UGT2B7: variants seen among roughly 807,000 people sequenced by gnomAD.
The protein encoded by UGT2B7 is UDP-glucuronosyltransferase 2B7.
UGT2B7 carries 51 observed loss-of-function variants against 51.9 expected under a neutral mutation model. That is an observed-to-expected ratio of 0.98 (90% CI 0.78 to 1.24). The LOEUF (loss-of-function observed/expected upper bound fraction) is 1.24, where lower values mean the gene tolerates loss of function less well. Among genes scored for constraint, UGT2B7 ranks in the 50% most tolerant of loss-of-function variants. UGT2B7 has a pLI of 0.00. For synonymous variants in UGT2B7, 225 were observed against 211.6 expected (o/e 1.06, Z -0.55); for missense variants, 727 against 628.4 (o/e 1.16, Z -1.68).
intron 1 of UGT2B7, chr4:69,067,405 C>T (rs1718504044): frequency 6.3e-6 from 1 of 158,570 alleles, no homozygotes; most frequent in South Asian, 2.1e-4. Flanking sequence ...ATTCTTAGGT[C>T]ATCCACAAAC....
At chr4:69,097,323 C>T (rs1719274648) in intron 1 of UGT2B7, 82 bp downstream of exon 1, 2 of 1,492,640 alleles carry the variant, frequency 1.3e-6, no homozygotes, top group Non-Finnish European at 1.8e-6. Flanking sequence ...GCCATAAAGT[C>T]AGGGTAGTGG....
intron 1 of UGT2B7, among the ~76,000 whole-genome samples, chr4:69,066,634 C>T (rs1718488906): frequency 6.6e-6 from 1 of 152,082 alleles, no homozygotes; most frequent in South Asian, 2.1e-4. Context: ...CATTTATCTT[C>T]CAGTCCTAGG....
chr4:69,070,629 G>A (rs947628428), intron 1 of UGT2B7, among the ~76,000 whole-genome samples: 111 of 151,864 alleles, frequency 7.3e-4, no homozygotes, highest in Non-Finnish European at 2.1e-4. Context: ...TAAAAATAAG[G>A]AAACCAAAAA....
At chr4:69,059,794 A>G (rs1178556842) in intron 1 of UGT2B7, among the ~76,000 whole-genome samples, 1 of 152,254 alleles carries the variant, frequency 6.6e-6, no homozygotes, top group African/African-American at 2.4e-5. Flanking sequence ...TCTGGTGAAT[A>G]TAGACCAGTA....
chr4:69,057,368 G>T (rs1239748118), intron 1 of UGT2B7, among the ~76,000 whole-genome samples: 1 of 152,086 alleles, frequency 6.6e-6, no homozygotes, highest in Non-Finnish European at 1.5e-5. Context: ...GCATGACTGT[G>T]CATTAATAAT....
At chr4:69,104,353 T>C (rs1278065725) in intron 3 of UGT2B7, among the ~76,000 whole-genome samples, 1 of 152,182 alleles carries the variant, frequency 6.6e-6, no homozygotes, top group African/African-American at 2.4e-5. Flanking sequence ...AGATGGAGTC[T>C]GGAAGATATT....
intron 1 of UGT2B7, among the ~76,000 whole-genome samples, chr4:69,069,207 A>G (rs181894106): frequency 2.0e-5 from 3 of 151,840 alleles, no homozygotes; most frequent in African/African-American, 7.2e-5. Context: ...GTTAATACCA[A>G]CTCTTGGTCA....
At chr4:69,055,659 C>T (rs199694112) in intron 1 of UGT2B7, among the ~76,000 whole-genome samples, 1 of 152,266 alleles carries the variant, frequency 6.6e-6, no homozygotes, top group East Asian at 1.9e-4. Flanking sequence ...AGTCACTTCA[C>T]GTTATGTTTG....
At chr4:69,093,177 G>A (rs866996303), upstream of UGT2B7, among the ~76,000 whole-genome samples, 1 of 152,140 alleles carries the variant, frequency 6.6e-6, no homozygotes, top group East Asian at 1.9e-4. Flanking sequence ...CTGTTGGGAG[G>A]TCCCACCCAG....
In UGT2B7 at chr4:69,053,819, C is replaced by A. The variant is rs867367892; in HGVS notation, c.-159+2217C>A. 1.8e-4 allele frequency among the ~76,000 whole-genome samples: 27 copies of A among 152,242 alleles called. No homozygotes were observed. The South Asian group carries it at 1.9e-3, about 11-fold the overall frequency. Reference sequence around the variant, plus strand: ...GATGTGTGGTGGTATTGTGGTGGACCTTTACTAGGTACTCTGCTGAATAAG... The same window carrying A: ...GATGTGTGGTGGTATTGTGGTGGACATTTACTAGGTACTCTGCTGAATAAG... On this transcript the variant is annotated intron_variant, in intron 1 of 5. Coordinates refer to the UGT2B7 transcript ENST00000502942.
chr4:69,098,445 CT>C, intron 1 of UGT2B7, 94 bp from the exon 2 acceptor site: 1 of 1,416,918 alleles, frequency 7.1e-7, no homozygotes, highest in Non-Finnish European at 9.5e-7. Flanking sequence ...AGATATTTGC[CT>C]ACATTTTTGC....
intron 1 of UGT2B7, among the ~76,000 whole-genome samples, chr4:69,079,708 G>A (rs1207447454): frequency 3.3e-5 from 5 of 151,956 alleles, no homozygotes; most frequent in Non-Finnish European, 7.4e-5. Flanking sequence ...TTGTAGTCAC[G>A]AAATCATATG....
chr4:69,111,236 A>C (rs1387429343), intron 5 of UGT2B7, among the ~76,000 whole-genome samples: 1 of 152,196 alleles, frequency 6.6e-6, no homozygotes, highest in Non-Finnish European at 1.5e-5. Context: ...CCGTGTCTAA[A>C]AATGTAGGGT....
chr4:69,089,745 G>A (rs1222606643), intron 2 of UGT2B7: 2 of 152,208 alleles, frequency 1.3e-5, no homozygotes, highest in Non-Finnish European at 2.9e-5. Context: ...CATTATAGTA[G>A]TGTATGTGGG....
intron 2 of UGT2B7, among the ~76,000 whole-genome samples, chr4:69,099,671 C>A (rs1201755816): frequency 2.6e-5 from 4 of 151,948 alleles, no homozygotes; most frequent in Non-Finnish European, 5.9e-5. Context: ...TTAACACAGA[C>A]AAAACACTTA....
At chr4:69,091,638 G>A (rs987079219), upstream of UGT2B7, among the ~76,000 whole-genome samples, 1 of 152,148 alleles carries the variant, frequency 6.6e-6, no homozygotes, top group African/African-American at 2.4e-5. Flanking sequence ...GCGTCTGGGA[G>A]CTACCATCAC....
intron 1 of UGT2B7, among the ~76,000 whole-genome samples, chr4:69,061,342 CA>C (rs1196085228): frequency 3.3e-5 from 5 of 152,160 alleles, no homozygotes; most frequent in Non-Finnish European, 7.3e-5. Flanking sequence ...GGCCCCCAAA[CA>C]GGTAGCAGTA....
intron 1 of UGT2B7, among the ~76,000 whole-genome samples, chr4:69,075,958 T>A (rs1293792510): frequency 6.6e-6 from 1 of 151,854 alleles, no homozygotes; most frequent in East Asian, 2.0e-4. Context: ...GGCCCCACTG[T>A]GTGATGTTCC....
At chr4:69,096,274 G>C (rs952628399), upstream of UGT2B7, among the ~76,000 whole-genome samples, 1 of 152,062 alleles carries the variant, frequency 6.6e-6, no homozygotes, top group African/African-American at 2.4e-5. Flanking sequence ...CAAGATCCTT[G>C]ATATTAGCTG....
Sources: allele counts gnomAD v4.1 joint callset (sites outside exome capture counted in the v4.1 genomes callset), GRCh38; gene constraint gnomAD v4.1.1; transcripts MANE v1.5; gene names NCBI Gene and HGNC (gene_info 2026-07-23, HGNC 2026-07-21).